CREBBP: variants seen among roughly 807,000 people sequenced by gnomAD.
The protein encoded by CREBBP is CREB binding lysine acetyltransferase, also known as CREB-binding protein.
A neutral mutation model predicts 265.0 loss-of-function variants in CREBBP; 19 were observed. The observed-to-expected ratio is 0.07, with a 90% CI of 0.05 to 0.11. CREBBP has a LOEUF of 0.11. CREBBP is among the 10% of genes least tolerant of loss of function. The pLI is 1.00. For missense variants in CREBBP, 2,525 were observed against 3,219.0 expected (o/e 0.78, Z 5.22); for synonymous variants, 1,457 against 1,223.7 (o/e 1.19, Z -3.98).
At chr16:3,862,818 C>T (rs1442017926) in intron 1 of CREBBP, among the ~76,000 whole-genome samples, 6 of 152,184 alleles carry the variant, frequency 3.9e-5, no homozygotes, top group Admixed American at 3.9e-4. Flanking sequence ...CCGTCCCTGC[C>T]TCTTTGGAAC....
At chr16:3,779,397 C>A (rs1323817553) in intron 8 of CREBBP, among the ~76,000 whole-genome samples, 2 of 152,140 alleles carry the variant, frequency 1.3e-5, no homozygotes, top group African/African-American at 2.4e-5. Context: ...CTGGCCTGAA[C>A]TCCTGGGCTC....
intron 2 of CREBBP, among the ~76,000 whole-genome samples, chr16:3,814,870 C>T (rs1468123068): frequency 6.6e-6 from 1 of 152,292 alleles, no homozygotes; most frequent in East Asian, 1.9e-4. Flanking sequence ...ATCTCTGGCA[C>T]CAGGGCCAGC....
At chr16:3,730,144 G>C (rs1596789114) in intron 30 of CREBBP, among the ~76,000 whole-genome samples, 1 of 152,170 alleles carries the variant, frequency 6.6e-6, no homozygotes, top group Non-Finnish European at 1.5e-5. Flanking sequence ...TTGCTCCCAA[G>C]GACCTTCACT....
chr16:3,849,439 GT>G (rs541825526), intron 2 of CREBBP, among the ~76,000 whole-genome samples: 715 of 17,084 alleles, frequency 0.042, 20 homozygotes, highest in South Asian at 0.095. Flanking sequence ...GTGTGTGTGT[GT>G]GTGTGTGTGT....
rs140606942 is a variant in CREBBP at position 3,727,030 on chromosome 16, A to C, written c.*688T>G. On this transcript the variant is annotated 3_prime_UTR_variant, in exon 31 of 31. Coordinates refer to ENST00000262367, the MANE Select transcript of CREBBP (RefSeq NM_004380.3). The stretch of plus-strand genomic sequence containing the variant: ...TCTCTAGTAACATTAGCATGGTCTA[A>C]GAGTGATCATCCCTATTTTTTGTCT... 49 of 234,072 alleles carry C rather than the reference A, an allele frequency of 2.1e-4. 1 individual carries two copies. Among genetic ancestry groups the C allele is most frequent in the African/African-American group, 8.6e-4 (39 of 45,496 alleles). 14.5% of individuals were successfully genotyped at this position (234,072 alleles called of 1,614,324 possible). A position where few individuals can be genotyped will look rare whatever the true frequency, so the allele number is the denominator to read the frequency against.
rs2151297804 is a variant in CREBBP, at chr16:3,727,722, A to G, written c.7325T>C (p.Leu2442Ser). 1 of 1,614,066 alleles carries G rather than the reference A, an allele frequency of 6.2e-7. No individual in the cohort carries two copies. Among genetic ancestry groups the G allele is most frequent in the East Asian group, 2.2e-5 (1 of 44,882 alleles). ...GDTLEKFVEG[L>S] ...AAAGGTGATGCTCTCACAATGCTAC[A>G]AGCCCTCCACAAACTTCTCTAGCGT... Residue 2442 changes from leucine to serine, a missense_variant, in exon 31 of 31, where the codon TTG (leucine) becomes TCG (serine). Leu to Ser is a moderately radical substitution (Grantham distance 145). Coordinates refer to ENST00000262367, the MANE Select transcript of CREBBP (RefSeq NM_004380.3).
intron 2 of CREBBP, among the ~76,000 whole-genome samples, chr16:3,830,617 T>C (rs1262119573): frequency 6.6e-6 from 1 of 152,208 alleles, no homozygotes; most frequent in Admixed American, 6.5e-5. Flanking sequence ...TACTTACATT[T>C]TGTTCTGACT....
At chr16:3,826,069 C>T (rs530096103) in intron 2 of CREBBP, among the ~76,000 whole-genome samples, 49 of 152,244 alleles carry the variant, frequency 3.2e-4, no homozygotes, top group African/African-American at 1.2e-3. Context: ...AAAAAACAGC[C>T]GGGTGCAGTG....
At chr16:3,732,722 C>T (rs750524085) in intron 28 of CREBBP, among the ~76,000 whole-genome samples, 4 of 151,646 alleles carry the variant, frequency 2.6e-5, no homozygotes, top group Non-Finnish European at 5.9e-5. Context: ...TTTTTTGAGA[C>T]AGAGTCTCGC....
At chr16:3,872,384 C>G (rs1297858301) in intron 1 of CREBBP, among the ~76,000 whole-genome samples, 1 of 152,162 alleles carries the variant, frequency 6.6e-6, no homozygotes, top group African/African-American at 2.4e-5. Flanking sequence ...GCCCCGGGGA[C>G]TCTGCTCGTG....
chr16:3,834,092 C>T lies in CREBBP; in HGVS notation c.798+16205G>A, dbSNP rs575428645. Among the ~76,000 whole-genome samples the T allele has an allele frequency of 2.6e-5, 4 of 152,218 alleles. No individual in the cohort carries two copies. In the South Asian group the frequency reaches 8.3e-4, roughly 32 times the overall value. On this transcript the variant is annotated intron_variant, in intron 2 of 30. Transcript: ENST00000262367. ...TACCACTATTTGCCTATTAGAACAG[C>T]CAAATCCAGAACACTGTCAACACGA...
chr16:3,841,871 T>C (rs1169073062), intron 2 of CREBBP, among the ~76,000 whole-genome samples: 1 of 152,132 alleles, frequency 6.6e-6, no homozygotes, highest in African/African-American at 2.4e-5. Flanking sequence ...ATCTGCTGAA[T>C]CAGAAACTTG....
intron 4 of CREBBP, among the ~76,000 whole-genome samples, chr16:3,792,934 T>G (rs2053535871): frequency 6.6e-6 from 1 of 152,146 alleles, no homozygotes; most frequent in Non-Finnish European, 1.5e-5. Flanking sequence ...CGCACTTGCC[T>G]CAAGACACAG....
rs2141245959 is a variant in CREBBP at position 3,780,895 on chromosome 16, G to C, written c.1677-17C>G. ...ATCAGTGGGCTAAGGAGGAAATAAAGACACTTCATCCATCTACTGAAGTGA... is the reference window on the plus strand; with the variant it reads ...ATCAGTGGGCTAAGGAGGAAATAAACACACTTCATCCATCTACTGAAGTGA... On this transcript the variant is annotated splice_polypyrimidine_tract_variant and intron_variant, in intron 7 of 30. Transcript: ENST00000262367. The C allele has an allele frequency of 6.2e-7, 1 of 1,612,926 alleles. No individual in the cohort carries two copies. The highest frequency in any genetic ancestry group is 1.1e-5 in the South Asian group (1 of 90,974).
At chr16:3,809,309 C>T (rs931129209) in intron 3 of CREBBP, among the ~76,000 whole-genome samples, 1 of 152,118 alleles carries the variant, frequency 6.6e-6, no homozygotes, top group Non-Finnish European at 1.5e-5. Flanking sequence ...TCCTGAGTAG[C>T]TGGAATTACA....
At chr16:3,765,160 T>C (rs1420662462) in intron 16 of CREBBP, among the ~76,000 whole-genome samples, 1 of 152,184 alleles carries the variant, frequency 6.6e-6, no homozygotes, top group Non-Finnish European at 1.5e-5. Context: ...TTTTGTTTAG[T>C]AGAGACGGGG....
intron 1 of CREBBP, among the ~76,000 whole-genome samples, chr16:3,863,148 T>G (rs938577134): frequency 6.6e-6 from 1 of 152,032 alleles, no homozygotes; most frequent in Non-Finnish European, 1.5e-5. Flanking sequence ...TATTCAAGAG[T>G]GCTACCTGGA....
At chr16:3,732,104 CG>C (rs2051933860) in intron 28 of CREBBP, among the ~76,000 whole-genome samples, 167 bp from the exon 29 acceptor site, 1 of 152,168 alleles carries the variant, frequency 6.6e-6, no homozygotes, top group African/African-American at 2.4e-5. Context: ...CTGCAGCCTT[CG>C]GGACAGAGCA....
chr16:3,815,922 CTT>C (rs1265967612), intron 2 of CREBBP, among the ~76,000 whole-genome samples: 1 of 151,982 alleles, frequency 6.6e-6, no homozygotes, highest in Admixed American at 6.6e-5. Context: ...TCCATACACT[CTT>C]TTAAATAAAA....
Sources: allele counts gnomAD v4.1 joint callset (sites outside exome capture counted in the v4.1 genomes callset), GRCh38; gene constraint gnomAD v4.1.1; transcripts MANE v1.5; gene names NCBI Gene and HGNC (gene_info 2026-07-23, HGNC 2026-07-21).